ENAH: variants seen among roughly 807,000 people sequenced by gnomAD.
ENAH encodes protein enabled homolog.
Under a neutral mutation model 78.7 loss-of-function variants are expected in ENAH, and 23 were observed. The observed-to-expected ratio is 0.29, with a 90% CI of 0.21 to 0.41. The LOEUF (loss-of-function observed/expected upper bound fraction) is 0.41, where lower values mean the gene tolerates loss of function less well. ENAH is among the 10% of genes least tolerant of loss of function. The pLI is 1.00. For missense variants in ENAH, 544 were observed against 691.0 expected (o/e 0.79, Z 2.39); for synonymous variants, 226 against 241.0 (o/e 0.94, Z 0.58).
At chr1:225,533,879 G>A (rs538044240) in intron 3 of ENAH, among the ~76,000 whole-genome samples, 3 of 151,900 alleles carry the variant, frequency 2.0e-5, no homozygotes, top group Non-Finnish European at 2.9e-5. Context: ...AAGACAAATC[G>A]GTGTTATTAT....
At chr1:225,511,756 A>C (rs1303200389) in intron 10 of ENAH, 55 bp downstream of exon 10, 1 of 1,262,282 alleles carries the variant, frequency 7.9e-7, no homozygotes, top group Non-Finnish European at 1.1e-6. Flanking sequence ...TTAACTGGGG[A>C]GTATTAATAT....
rs150696447 is a variant in ENAH, at chr1:225,562,768, A to G, written c.171+4481T>C. 9.4e-3 allele frequency among the ~76,000 whole-genome samples: 1,431 copies of G among 152,008 alleles called. 17 individuals are homozygous for G. Among genetic ancestry groups the G allele is most frequent in the Non-Finnish European group, 0.011 (743 of 67,974 alleles). On this transcript the variant is annotated intron_variant, in intron 2 of 13. Coordinates refer to ENST00000366843, the MANE Select transcript of ENAH (RefSeq NM_018212.6). ...AGAAAGTTTAGATATTTAGTAAATT[A>G]TAACAACATGTGCCCACTTAGAACA...
At chr1:225,626,771 T>C (rs1192154914) in intron 1 of ENAH, among the ~76,000 whole-genome samples, 1 of 152,244 alleles carries the variant, frequency 6.6e-6, no homozygotes, top group East Asian at 1.9e-4. Flanking sequence ...AACATTTCCT[T>C]TCTTCTATTC....
At chr1:225,581,853 T>A (rs1276964409) in intron 1 of ENAH, among the ~76,000 whole-genome samples, 1 of 88,496 alleles carries the variant, frequency 1.1e-5, no homozygotes, top group Non-Finnish European at 2.5e-5. Flanking sequence ...CACACCCAGC[T>A]AATTTTTTTT....
chr1:225,513,134 A>G, intron 7 of ENAH, 118 bp from the exon 8 acceptor site: 1 of 926,102 alleles, frequency 1.1e-6, no homozygotes, highest in Non-Finnish European at 1.5e-6. Context: ...CCTAAATATT[A>G]TTTTTTAAGC....
chr1:225,552,885 T>C (rs538060408), intron 3 of ENAH, among the ~76,000 whole-genome samples: 2 of 152,290 alleles, frequency 1.3e-5, no homozygotes, highest in East Asian at 3.9e-4. Flanking sequence ...TACCTTACAA[T>C]AGAGAATGTA....
At chr1:225,580,785 T>C (rs1480372097) in intron 1 of ENAH, among the ~76,000 whole-genome samples, 1 of 151,518 alleles carries the variant, frequency 6.6e-6, no homozygotes, top group African/African-American at 2.4e-5. Context: ...AGCCATGGTG[T>C]CTCGTGCCGT....
At chr1:225,619,092 TACACACAC>T in intron 1 of ENAH, among the ~76,000 whole-genome samples, 1 of 150,228 alleles carries the variant, frequency 6.7e-6, no homozygotes, top group South Asian at 2.1e-4. Flanking sequence ...TACAACCCAG[TACACACAC>T]ACACACACAC....
intron 1 of ENAH, among the ~76,000 whole-genome samples, chr1:225,644,149 C>G (rs1449963728): frequency 6.6e-6 from 1 of 151,832 alleles, no homozygotes; most frequent in Non-Finnish European, 1.5e-5. Flanking sequence ...TATTAAAATA[C>G]TAGATGGCTT....
intron 1 of ENAH, among the ~76,000 whole-genome samples, chr1:225,583,584 G>A (rs190172086): frequency 1.3e-5 from 2 of 152,106 alleles, no homozygotes; most frequent in Non-Finnish European, 2.9e-5. Context: ...GCAGAGGCGG[G>A]TGGATCACCT....
At position 225,488,551 on chromosome 1, in the gene ENAH, ACT is replaced by A. The variant is rs2096209320; in HGVS notation, c.*9222_*9223del. 1 of 152,206 alleles carries A rather than the reference ACT, an allele frequency of 6.6e-6. No individual in the cohort carries two copies. Among genetic ancestry groups the A allele is most frequent in the Admixed American group, 6.5e-5 (1 of 15,278 alleles). 9.4% of individuals were successfully genotyped at this position (152,206 alleles called of 1,614,324 possible). A position where few individuals can be genotyped will look rare whatever the true frequency, so the allele number is the denominator to read the frequency against. On this transcript the variant is annotated 3_prime_UTR_variant, in exon 14 of 14. Coordinates refer to ENST00000366843, the MANE Select transcript of ENAH (RefSeq NM_018212.6). Reference sequence around the variant, plus strand: ...AAAAATTCTATGCAAATATGTAAGTACTGTCATTGAGGATTACAGAAATACTT... The same window carrying A: ...AAAAATTCTATGCAAATATGTAAGTAGTCATTGAGGATTACAGAAATACTT...
At position 225,652,988 on chromosome 1, in the gene ENAH, G is replaced by T; in HGVS notation, c.-298C>A. The T allele has an allele frequency of 3.2e-6, 1 of 311,594 alleles. No homozygotes were observed. Among genetic ancestry groups the T allele is most frequent in the Admixed American group, 5.0e-5 (1 of 19,902 alleles). 19.3% of individuals were successfully genotyped at this position (311,594 alleles called of 1,614,324 possible). On this transcript the variant is annotated 5_prime_UTR_variant, in exon 1 of 14. Transcript: ENST00000366843. ...TCCTCGTGGTCCTGCTCCTCCTCCC[G>T]GAGCTTCCTCGGCCGCCCTCTGAGG...
intron 10 of ENAH, 117 bp downstream of exon 10, chr1:225,511,694 T>C (rs2096377821): frequency 6.5e-6 from 4 of 613,276 alleles, no homozygotes; most frequent in Non-Finnish European, 1.1e-5. Context: ...CAAAGAACTC[T>C]GGCATTTTAG....
intron 3 of ENAH, among the ~76,000 whole-genome samples, chr1:225,543,357 T>C (rs549792923): frequency 3.2e-4 from 48 of 152,336 alleles, no homozygotes; most frequent in Admixed American, 1.1e-3. Flanking sequence ...ATAAACTCCT[T>C]CATAAAAAAT....
intron 1 of ENAH, among the ~76,000 whole-genome samples, chr1:225,649,446 C>A (rs1662564409): frequency 6.6e-6 from 1 of 151,456 alleles, no homozygotes; most frequent in African/African-American, 2.4e-5. Flanking sequence ...TTTAAAAATG[C>A]ACTTAAAAGG....
intron 1 of ENAH, among the ~76,000 whole-genome samples, chr1:225,597,298 G>A (rs1261480446): frequency 6.6e-6 from 1 of 152,126 alleles, no homozygotes; most frequent in East Asian, 1.9e-4. Context: ...AGTGGGAGAT[G>A]TTAGACAAAA....
chr1:225,584,492 CAA>C (rs2096835678), intron 1 of ENAH, among the ~76,000 whole-genome samples: 1 of 151,766 alleles, frequency 6.6e-6, no homozygotes, highest in South Asian at 2.1e-4. Context: ...AAAGGAATAA[CAA>C]AGGACTGAAA....
chr1:225,520,985 T>C, intron 4 of ENAH, among the ~76,000 whole-genome samples: 1 of 137,252 alleles, frequency 7.3e-6, no homozygotes. Context: ...AGACATAAGT[T>C]AGTAAAACTG....
intron 1 of ENAH, among the ~76,000 whole-genome samples, chr1:225,574,931 T>TATAA (rs2096781284): frequency 2.1e-4 from 3 of 14,136 alleles, no homozygotes; most frequent in African/African-American, 1.6e-3. Flanking sequence ...TATATATATA[T>TATAA]AAAAAAAAAA....
Sources: allele counts gnomAD v4.1 joint callset (sites outside exome capture counted in the v4.1 genomes callset), GRCh38; gene constraint gnomAD v4.1.1; transcripts MANE v1.5; gene names NCBI Gene and HGNC (gene_info 2026-07-23, HGNC 2026-07-21).